DLL1: variants seen among roughly 807,000 people sequenced by gnomAD.
The protein encoded by DLL1 is delta like canonical Notch ligand 1.
A neutral mutation model predicts 75.1 loss-of-function variants in DLL1; 9 were observed. The observed-to-expected ratio is 0.12, with a 90% confidence interval of 0.07 to 0.21. The LOEUF (loss-of-function observed/expected upper bound fraction) is 0.21, where lower values mean the gene tolerates loss of function less well. Among genes scored for constraint, DLL1 ranks in the 10% least tolerant of loss-of-function variants. DLL1 has a pLI of 1.00. For synonymous variants in DLL1, 477 were observed against 418.3 expected, an observed-to-expected ratio of 1.14 and a Z score of -1.71; for missense variants, 837 against 1,007.6, an observed-to-expected ratio of 0.83 and a Z score of 2.29.
intron 2 of DLL1, among the ~76,000 whole-genome samples, chr6:170,289,008 T>C (rs1277361110): frequency 1.3e-5 from 2 of 152,174 alleles, no homozygotes; most frequent in South Asian, 2.1e-4. Flanking sequence ...TGACGTGTTT[T>C]TTCAGCCTGT....
At chr6:170,284,878 G>C in intron 8 of DLL1, 41 bp downstream of exon 8, 1 of 1,596,384 alleles carries the variant, frequency 6.3e-7, no homozygotes, top group Non-Finnish European at 8.6e-7. Flanking sequence ...AGTATTGACC[G>C]CTCGCCCGAG....
In DLL1 at chr6:170,288,107, TC is replaced by T; in HGVS notation, c.670+131del. On this transcript the variant is annotated intron_variant, in intron 4 of 10. Coordinates refer to ENST00000366756, the MANE Select transcript of DLL1 (RefSeq NM_005618.4). Reference sequence around the variant, plus strand: ...TGTGACTTATAGCAATCCACTTCTGTCCTCTGGGCCTCAGTTTCCCCACCAG... The same window carrying T: ...TGTGACTTATAGCAATCCACTTCTGTCTCTGGGCCTCAGTTTCCCCACCAG... 5 of 1,379,656 alleles carry T rather than the reference TC, an allele frequency of 3.6e-6. No homozygotes were observed. In the Admixed American group the frequency reaches 9.6e-5, roughly 27 times the overall value. The allele number at this position is 1,379,656 out of a possible 1,614,324, so 85.5% of individuals were successfully genotyped here.
At chr6:170,283,138 T>A in intron 9 of DLL1, 33 bp from the exon 10 acceptor site, 1 of 1,613,834 alleles carries the variant, frequency 6.2e-7, no homozygotes, top group East Asian at 2.2e-5. Context: ...CCACAATGAA[T>A]GCATGAGAAC....
Position 170,283,583 on chromosome 6 carries a change from C to A in DLL1, c.1696G>T (p.Val566Leu), listed in dbSNP as rs770595048. 1 of 1,612,874 alleles carries A rather than the reference C, an allele frequency of 6.2e-7. No homozygotes were observed. The highest frequency in any genetic ancestry group is 8.5e-7 in the Non-Finnish European group (1 of 1,179,928). The change falls in exon 9 of 11, where the codon GTG (valine) becomes TTG (leucine). Residue 566 changes from valine (V) to leucine (L), a missense_variant. Around this residue, in one of 2 missense-constraint regions of DLL1, gnomAD observed 533 missense variants for 545.7 expected, o/e 0.98. Coordinates refer to ENST00000366756, the MANE Select transcript of DLL1 (RefSeq NM_005618.4). ...LMLLLGCAAVVVCVRLRLQKH... is the reference protein window; with the variant it reads ...LMLLLGCAAVLVCVRLRLQKH... ...TGCAGCCTCAGCCGGACGCAGACCA[C>A]CACAGCGGCACAGCCCAGCAGCAGC...
chr6:170,290,406 G>A lies in DLL1; in HGVS notation c.-267C>T, dbSNP rs1024919192. ...GCAGCTCTCGGGGGACAGCGCGGCG[G>A]CGGCGACTTTCGTTTTCCTCCTTCC... is the stretch of plus-strand genomic sequence containing the variant. On this transcript the variant is annotated 5_prime_UTR_variant, in exon 1 of 11. Coordinates refer to ENST00000366756, the MANE Select transcript of DLL1 (RefSeq NM_005618.4). The surrounding 1 kb of genome is among the most constrained non-coding windows in gnomAD (Gnocchi z 4.7). The A allele has an allele frequency of 7.2e-6, 3 of 416,536 alleles. No homozygotes were observed. Among genetic ancestry groups the A allele is most frequent in the African/African-American group, 2.1e-5 (1 of 48,178 alleles). 25.8% of individuals were successfully genotyped at this position (416,536 alleles called of 1,614,324 possible).
rs761037605 is a variant in DLL1, at chr6:170,283,340, G to A, written c.1939C>T (p.Leu647Phe). 14 of 1,612,872 alleles carry A rather than the reference G, an allele frequency of 8.7e-6. No homozygotes were observed. The highest frequency in any genetic ancestry group is 5.9e-6 in the Non-Finnish European group (7 of 1,180,044). ...PAVDYNLVQD[L>F]KGDDTAVRDA... ...CTGACGGCGGTGTCGTCACCCTTGA[G>A]GTCCTGCACGAGGTTATAGTCCACC... Residue 647 changes from leucine (L) to phenylalanine (F), a missense_variant, in exon 9 of 11, where the codon CTC becomes TTC. By Grantham distance (22) the Leu-to-Phe change is conservative. Around this residue, in one of 2 missense-constraint regions of DLL1, gnomAD observed 533 missense variants for 545.7 expected, o/e 0.98. Transcript: ENST00000366756.
rs768164372 is a variant in DLL1, at chr6:170,285,432, G to A, written c.863-9C>T. ...TGTGCAGTAGTTCAGGTCTGTGAAG[G>A]GTGGGGACAGGAAAAGTAGGAGATA... On this transcript the variant is annotated splice_polypyrimidine_tract_variant and intron_variant, in intron 6 of 10. Transcript: ENST00000366756. 6 of 1,614,096 alleles carry A rather than the reference G, an allele frequency of 3.7e-6. No homozygotes were observed. The highest frequency in any genetic ancestry group is 2.2e-5 in the South Asian group (2 of 91,094).
chr6:170,285,111 T>A lies in DLL1; in HGVS notation c.1057A>T (p.Thr353Ser). 6.2e-7 allele frequency: 1 copy of A among 1,614,034 alleles called. No homozygotes were observed. Among genetic ancestry groups the A allele is most frequent in the Non-Finnish European group, 8.5e-7 (1 of 1,180,022 alleles). The change falls in exon 8 of 11, where the codon ACC (threonine) becomes TCC (serine). Residue 353 changes from threonine (T) to serine (S), a missense_variant. Physicochemically the swap from Thr to Ser is moderately conservative, Grantham distance 58 (BLOSUM62 1). This residue lies in a region of DLL1 where 533 missense variants were observed against 545.7 expected (regional missense o/e 0.98). Coordinates refer to ENST00000366756, the MANE Select transcript of DLL1 (RefSeq NM_005618.4). The part of the protein sequence containing the change: ...CTDLENSYSC[T>S]CPPGFYGKIC... ...TTGCCGTAGAAGCCGGGTGGGCAGG[T>A]ACAGGAGTAGCTGTTCTCGAGATCC...
intron 8 of DLL1, among the ~76,000 whole-genome samples, chr6:170,284,427 GA>G (rs1783649770): frequency 6.6e-6 from 1 of 151,656 alleles, no homozygotes. Context: ...GGGAGGGAGG[GA>G]GGGGAAGGAT....
chr6:170,286,802 T>TACACACAC (rs143742416), intron 4 of DLL1, among the ~76,000 whole-genome samples: 77 of 149,118 alleles, frequency 5.2e-4, no homozygotes, highest in African/African-American at 1.8e-3. Context: ...CCCTCGCGTG[T>TACACACAC]ACACACACAC....
rs1421933563 is a variant in DLL1, at chr6:170,286,108, G to A, written c.731+130C>T. 12 of 1,109,358 alleles carry A rather than the reference G, an allele frequency of 1.1e-5. No individual in the cohort carries two copies. In the East Asian group the frequency reaches 1.7e-4, roughly 16 times the overall value. 68.7% of individuals were successfully genotyped at this position (1,109,358 alleles called of 1,614,324 possible). A position where few individuals can be genotyped will look rare whatever the true frequency, so the allele number is the denominator to read the frequency against. Reference sequence around the variant, plus strand: ...TGATTAAGTAGAAACATGAGAAAACGGCCCCCTGTTCAATCAATCTTACTG... The same window carrying A: ...TGATTAAGTAGAAACATGAGAAAACAGCCCCCTGTTCAATCAATCTTACTG... On this transcript the variant is annotated intron_variant, in intron 5 of 10. Coordinates refer to ENST00000366756, the MANE Select transcript of DLL1 (RefSeq NM_005618.4).
At chr6:170,287,531 C>G (rs921229075) in intron 4 of DLL1, among the ~76,000 whole-genome samples, 45 of 152,366 alleles carry the variant, frequency 3.0e-4, no homozygotes, top group Admixed American at 2.4e-3. Flanking sequence ...GCCCTAGTCA[C>G]CTGCCTGCCA....
In DLL1 at chr6:170,287,852, CT is replaced by C. The variant is rs368831257; in HGVS notation, c.670+386del. On this transcript the variant is annotated intron_variant, in intron 4 of 10. Transcript: ENST00000366756. ...TGTGATGCTGTTCCAGCACTGGGAA[CT>C]CGGGTTGAAATGGTGCCCCTGACAC... Among the ~76,000 whole-genome samples, 174 of 152,318 alleles carry C rather than the reference CT, an allele frequency of 1.1e-3. 1 individual carries two copies. The highest frequency in any genetic ancestry group is 4.1e-3 in the African/African-American group (172 of 41,578).
intron 4 of DLL1, chr6:170,288,016 T>C: frequency 1.5e-6 from 1 of 672,122 alleles, no homozygotes; most frequent in Non-Finnish European, 2.5e-6. Flanking sequence ...GCAGTTCCGA[T>C]AGTGGATAAA....
chr6:170,288,152 A>AGCCCCCCGT, intron 4 of DLL1, 87 bp downstream of exon 4: 7 of 1,595,794 alleles, frequency 4.4e-6, no homozygotes, highest in Non-Finnish European at 6.0e-6. Flanking sequence ...TACAGTCCCA[A>AGCCCCCCGT]GCCCCCCGTG....
Position 170,290,169 on chromosome 6 carries a change from G to A in DLL1, c.-30C>T, listed in dbSNP as rs1376653783. The A allele has an allele frequency of 6.3e-7, 1 of 1,587,166 alleles. No individual in the cohort carries two copies. On this transcript the variant is annotated 5_prime_UTR_variant, in exon 1 of 11. Coordinates refer to ENST00000366756, the MANE Select transcript of DLL1 (RefSeq NM_005618.4). This position sits in a 1 kb window ranked among gnomAD's most constrained non-coding sequence, Gnocchi z 4.7. ...CTTCGCTCCACGCGCGAGCCTGGGG[G>A]GCCCCCACTTCTCTCCTTAGAACAG...
In DLL1 at chr6:170,283,728, C is replaced by G. The variant is rs780160859; in HGVS notation, c.1551G>C (p.Gln517His). The change falls in exon 9 of 11, where the codon CAG (glutamine) becomes CAC (histidine). Residue 517 changes from glutamine (Q) to histidine (H), a missense_variant. Gln to His is a conservative substitution (Grantham distance 24, BLOSUM62 0). Around this residue, in one of 2 missense-constraint regions of DLL1, gnomAD observed 533 missense variants for 545.7 expected, o/e 0.98. Transcript: ENST00000366756. The stretch of plus-strand genomic sequence containing the variant: ...CCGGGGGCAGCTCGGGGAGCAGGAA[C>G]TGGCAGTTGGGACCCCCGTAGCCTC... ...CARGYGGPNC[Q>H]FLLPELPPGP... The G allele has an allele frequency of 7.7e-6, 12 of 1,554,554 alleles. No individual in the cohort carries two copies. Among genetic ancestry groups the G allele is most frequent in the Admixed American group, 1.9e-5 (1 of 52,990 alleles).
rs1397349702 is a variant in DLL1 at position 170,283,596 on chromosome 6, G to A, written c.1683C>T (p.Gly561=). 2 of 1,612,464 alleles carry A rather than the reference G, an allele frequency of 1.2e-6. No individual in the cohort carries two copies. The highest frequency in any genetic ancestry group is 1.7e-6 in the Non-Finnish European group (2 of 1,179,730). The change falls in exon 9 of 11, where the codon GGC becomes GGT. Residue 561 remains glycine (G), a synonymous_variant. Coordinates refer to ENST00000366756, the MANE Select transcript of DLL1 (RefSeq NM_005618.4). ...GVILVLMLLL[G]CAAVVVCVRL... is the part of the protein sequence containing the mutation. ...GGACGCAGACCACCACAGCGGCACA[G>A]CCCAGCAGCAGCATGAGGACAAGGA...
At position 170,288,352 on chromosome 6, in the gene DLL1, T is replaced by C; in HGVS notation, c.557A>G (p.Glu186Gly). The change falls in exon 4 of 11, where the codon GAG (glutamate) becomes GGG (glycine). Residue 186 changes from glutamate to glycine, a missense_variant. Physicochemically the swap from Glu to Gly is moderately conservative, Grantham distance 98 (BLOSUM62 -2). This residue lies in a region of DLL1 where 304 missense variants were observed against 461.9 expected (regional missense o/e 0.66). Coordinates refer to ENST00000366756, the MANE Select transcript of DLL1 (RefSeq NM_005618.4). ...RFVCDEHYYGEGCSVFCRPRD... is the reference protein window; with the variant it reads ...RFVCDEHYYGGGCSVFCRPRD... ...GGGACGGCAGAAAACGGAGCAGCCC[T>C]CTCCGTAGTAGTGTTCGTCACACAC... 6 of 1,614,058 alleles carry C rather than the reference T, an allele frequency of 3.7e-6. No homozygotes were observed. Among genetic ancestry groups the C allele is most frequent in the Non-Finnish European group, 5.1e-6 (6 of 1,180,050 alleles).
Sources: allele counts gnomAD v4.1 joint callset (sites outside exome capture counted in the v4.1 genomes callset), GRCh38; gene constraint gnomAD v4.1.1; regional missense constraint gnomAD v4.1.1; non-coding constraint Gnocchi (gnomAD v3.1); transcripts MANE v1.5; gene names NCBI Gene and HGNC (gene_info 2026-07-23, HGNC 2026-07-21).